RMND5A: variants seen among roughly 807,000 people sequenced by gnomAD.
RMND5A encodes the protein E3 ubiquitin-protein transferase RMND5A.
A neutral mutation model predicts 49.7 loss-of-function variants in RMND5A; 17 were observed. The ratio of observed to expected loss-of-function variants is 0.34; its 90% CI spans 0.23 to 0.51. RMND5A has a LOEUF of 0.51. RMND5A is among the 20% of genes least tolerant of loss of function. The pLI, the probability that RMND5A is intolerant of heterozygous loss-of-function variation, is 0.96. For missense variants in RMND5A, 255 were observed against 471.3 expected (o/e 0.54, Z 4.25); for synonymous variants, 156 against 167.7 (o/e 0.93, Z 0.54).
intron 6 of RMND5A, 126 bp downstream of exon 6, chr2:86,766,150 A>G (rs1373095549): frequency 4.9e-6 from 4 of 809,692 alleles, no homozygotes; most frequent in Non-Finnish European, 7.8e-6. Context: ...TGCAATTGGT[A>G]TTTCAAAAGA....
chr2:86,765,340 T>C, intron 5 of RMND5A, 147 bp downstream of exon 5: 2 of 719,134 alleles, frequency 2.8e-6, no homozygotes, highest in Non-Finnish European at 4.4e-6. Flanking sequence ...TGACTGGCTC[T>C]AGACAAAAAC....
chr2:86,763,567 C>T (rs1194844424), intron 4 of RMND5A, among the ~76,000 whole-genome samples: 5 of 152,070 alleles, frequency 3.3e-5, no homozygotes, highest in Admixed American at 3.3e-4. Flanking sequence ...ATCACTTGAG[C>T]CCAGGAGTTC....
Position 86,726,137 on chromosome 2 carries a change from C to T in RMND5A, c.142+5328C>T, listed in dbSNP as rs1444917025. On this transcript the variant is annotated intron_variant, in intron 1 of 8. Coordinates refer to ENST00000283632, the MANE Select transcript of RMND5A (RefSeq NM_022780.4). ...ATGATATTGCATCAGTACACAAAAA[C>T]CAGAGGTTGAGGGTCGCATGTTAGG... Among the ~76,000 whole-genome samples the T allele has an allele frequency of 9.4e-5, 7 of 74,202 alleles. 1 individual carries two copies. The highest frequency in any genetic ancestry group is 3.5e-4 in the African/African-American group (6 of 17,024). 48.7% of individuals were successfully genotyped at this position (74,202 alleles called of 152,430 possible).
intron 2 of RMND5A, among the ~76,000 whole-genome samples, chr2:86,751,020 T>G (rs963203561): frequency 1.3e-5 from 2 of 152,216 alleles, no homozygotes; most frequent in African/African-American, 4.8e-5. Flanking sequence ...TGGTGTCTGT[T>G]GATCATCTTT....
At position 86,776,195 on chromosome 2, in the gene RMND5A, A is replaced by G. The variant is rs1218781334; in HGVS notation, c.*2784A>G. The G allele has an allele frequency of 6.6e-6, 1 of 152,224 alleles. No individual in the cohort carries two copies. Among genetic ancestry groups the G allele is most frequent in the Non-Finnish European group, 1.5e-5 (1 of 68,028 alleles). The allele number at this position is 152,224 out of a possible 1,614,324, so 9.4% of individuals were successfully genotyped here. ...TCTGAGTGTTCAAGTACAGTTTTAC[A>G]GTGGCTAAGGTTGTCTCTTGATCTT... On this transcript the variant is annotated 3_prime_UTR_variant, in exon 9 of 9. Coordinates refer to ENST00000283632, the MANE Select transcript of RMND5A (RefSeq NM_022780.4).
intron 4 of RMND5A, 134 bp from the exon 5 acceptor site, chr2:86,764,893 A>G (rs1672564414): frequency 1.3e-6 from 1 of 742,522 alleles, no homozygotes; most frequent in Non-Finnish European, 2.2e-6. Flanking sequence ...TCTGGGCCCT[A>G]GGGATTGATG....
At position 86,751,922 on chromosome 2, in the gene RMND5A, G is replaced by A; in HGVS notation, c.312G>A (p.Val104=). The change falls in exon 3 of 9, where the codon GTG becomes GTA. Residue 104 remains valine (V), a synonymous_variant. Transcript: ENST00000283632. Reference sequence around the variant, plus strand: ...ATTTTGATTCTGACATTAGCAGTGTGGGAATAGATGGCTGCTGGCAGGCAG... The same window carrying A: ...ATTTTGATTCTGACATTAGCAGTGTAGGAATAGATGGCTGCTGGCAGGCAG... The part of the protein sequence containing the change: ...DKNFDSDISS[V]GIDGCWQADS... The A allele has an allele frequency of 6.2e-7, 1 of 1,613,582 alleles. No homozygotes were observed. The highest frequency in any genetic ancestry group is 2.2e-5 in the East Asian group (1 of 44,870).
chr2:86,753,547 A>G lies in RMND5A; in HGVS notation c.510A>G (p.Arg170=). The part of the protein sequence containing the change: ...ILEALKVRVL[R]PALEWAVSNR... ...AGGCATTAAAGGTCAGAGTTCTGAG[A>G]CCTGCTCTGGAGTGAGTATTGAGTT... The change falls in exon 4 of 9, where the codon AGA becomes AGG. Residue 170 remains arginine (R), a synonymous_variant. Transcript: ENST00000283632. 1 of 1,588,666 alleles carries G rather than the reference A, an allele frequency of 6.3e-7. No individual in the cohort carries two copies. Among genetic ancestry groups the G allele is most frequent in the African/African-American group, 1.3e-5 (1 of 74,538 alleles).
At chr2:86,764,465 T>G (rs1672557995) in intron 4 of RMND5A, among the ~76,000 whole-genome samples, 1 of 152,216 alleles carries the variant, frequency 6.6e-6, no homozygotes, top group Non-Finnish European at 1.5e-5. Context: ...TTATTAGAAC[T>G]ATGTTTGTAC....
rs763065216 is a variant in RMND5A at position 86,765,055 on chromosome 2, A to T, written c.550A>T (p.Ile184Leu). The change falls in exon 5 of 9, where the codon ATA (isoleucine) becomes TTA (leucine). Residue 184 changes from isoleucine (I) to leucine (L), a missense_variant. Transcript: ENST00000283632. ...GGCAGTGTCAAACCGGGAAATGCTT[A>T]TAGCTCAAAACAGCTCCTTGGAATT... ...EWAVSNREML[I>L]AQNSSLEFKL... 1.2e-6 allele frequency: 2 copies of T among 1,609,834 alleles called. No individual in the cohort carries two copies. The highest frequency in any genetic ancestry group is 1.7e-5 in the Admixed American group (1 of 59,068).
chr2:86,735,129 C>A (rs1193191468), intron 1 of RMND5A, among the ~76,000 whole-genome samples: 1 of 152,118 alleles, frequency 6.6e-6, no homozygotes, highest in Non-Finnish European at 1.5e-5. Flanking sequence ...TCCATTCATT[C>A]TTTGGAGGTT....
chr2:86,771,577 A>G lies in RMND5A; in HGVS notation c.977A>G (p.Lys326Arg). The change falls in exon 8 of 9, where the codon AAA becomes AGA. Residue 326 changes from lysine (K) to arginine (R), a missense_variant. Coordinates refer to ENST00000283632, the MANE Select transcript of RMND5A (RefSeq NM_022780.4). ...TAACAGATTGAAGTGGACCTTGGTAAAAAGTGCTGGTATCACTCTATATTT... is the reference window on the plus strand; with the variant it reads ...TAACAGATTGAAGTGGACCTTGGTAGAAAGTGCTGGTATCACTCTATATTT... ...DELPIEVDLGKKCWYHSIFAC... is the reference protein window; with the variant it reads ...DELPIEVDLGRKCWYHSIFAC... 1.9e-6 allele frequency: 3 copies of G among 1,608,410 alleles called. No individual in the cohort carries two copies. The highest frequency in any genetic ancestry group is 2.5e-6 in the Non-Finnish European group (3 of 1,178,168).
intron 3 of RMND5A, 21 bp downstream of exon 3, chr2:86,752,051 A>G (rs1220033399): frequency 6.2e-7 from 1 of 1,610,724 alleles, no homozygotes; most frequent in East Asian, 2.2e-5. Flanking sequence ...GCCAACTGGG[A>G]GGATATGAAA....
At position 86,773,424 on chromosome 2, in the gene RMND5A, A is replaced by G; in HGVS notation, c.*13A>G. Reference sequence around the variant, plus strand: ...GATATTTTTCTGAAGAGATAACTTTAGTTTGCAATTTGTAAGTGAAACTGA... The same window carrying G: ...GATATTTTTCTGAAGAGATAACTTTGGTTTGCAATTTGTAAGTGAAACTGA... On this transcript the variant is annotated 3_prime_UTR_variant, in exon 9 of 9. Transcript: ENST00000283632. The G allele has an allele frequency of 6.4e-7, 1 of 1,570,502 alleles. No individual in the cohort carries two copies. Among genetic ancestry groups the G allele is most frequent in the Non-Finnish European group, 8.8e-7 (1 of 1,140,556 alleles).
At chr2:86,759,201 T>C (rs1681800158) in intron 4 of RMND5A, among the ~76,000 whole-genome samples, 1 of 152,182 alleles carries the variant, frequency 6.6e-6, no homozygotes, top group South Asian at 2.1e-4. Flanking sequence ...AACCGCTAAC[T>C]ATGAAGGTGA....
chr2:86,772,642 T>C (rs756634321), intron 8 of RMND5A, among the ~76,000 whole-genome samples: 10 of 151,784 alleles, frequency 6.6e-5, no homozygotes, highest in Non-Finnish European at 1.3e-4. Context: ...TCATTCAGGC[T>C]GGAGTGCAGT....
At chr2:86,759,485 A>G (rs983530590) in intron 4 of RMND5A, among the ~76,000 whole-genome samples, 4 of 152,116 alleles carry the variant, frequency 2.6e-5, no homozygotes, top group Admixed American at 1.3e-4. Context: ...TTTGGGGTTC[A>G]GTGTTTCTCT....
intron 3 of RMND5A, among the ~76,000 whole-genome samples, chr2:86,753,164 C>T (rs1181109194): frequency 6.6e-6 from 1 of 152,156 alleles, no homozygotes. Context: ...TCCAGCCATA[C>T]CTTTGTATCC....
At chr2:86,749,012 G>T (rs1466526893) in intron 2 of RMND5A, among the ~76,000 whole-genome samples, 1 of 152,094 alleles carries the variant, frequency 6.6e-6, no homozygotes, top group Non-Finnish European at 1.5e-5. Context: ...AGAGTTATGG[G>T]CAGGTTCCTG....
Sources: allele counts gnomAD v4.1 joint callset (sites outside exome capture counted in the v4.1 genomes callset), GRCh38; gene constraint gnomAD v4.1.1; transcripts MANE v1.5; gene names NCBI Gene and HGNC (gene_info 2026-07-23, HGNC 2026-07-21).